The following CCSER1 variants were observed in gnomAD, a reference collection of about 807,000 sequenced individuals.
CCSER1 encodes coiled-coil serine rich protein 1.
In CCSER1, 41 loss-of-function variants were observed where a neutral mutation model predicts 82.0. The observed-to-expected ratio is 0.50, with a 90% CI of 0.39 to 0.65. CCSER1 has a LOEUF of 0.65. CCSER1 is among the 30% of genes least tolerant of loss of function. The pLI, the probability that CCSER1 is intolerant of heterozygous loss-of-function variation, is 0.00. For synonymous variants in CCSER1, 414 were observed against 383.9 expected (o/e 1.08, Z -0.92); for missense variants, 1,119 against 1,064.2 (o/e 1.05, Z -0.72).
chr4:91,280,525 AG>A (rs1742835796), intron 10 of CCSER1, among the ~76,000 whole-genome samples: 1 of 152,084 alleles, frequency 6.6e-6, no homozygotes, highest in Non-Finnish European at 1.5e-5. Context: ...GTGCTGAGAG[AG>A]GTGGATAGGA....
intron 4 of CCSER1, among the ~76,000 whole-genome samples, chr4:90,421,362 A>G (rs1222431673): frequency 1.3e-5 from 2 of 152,198 alleles, no homozygotes; most frequent in African/African-American, 4.8e-5. Flanking sequence ...CCCTTACATC[A>G]TAACGTGCTA....
chr4:90,712,707 C>T (rs931797639), intron 6 of CCSER1, among the ~76,000 whole-genome samples: 3 of 151,494 alleles, frequency 2.0e-5, no homozygotes, highest in African/African-American at 4.9e-5. Flanking sequence ...TTTTCTATCT[C>T]GGTGATCTGC....
intron 10 of CCSER1, among the ~76,000 whole-genome samples, chr4:91,323,239 G>C (rs183337166): frequency 3.2e-3 from 484 of 152,270 alleles, no homozygotes; most frequent in Non-Finnish European, 5.5e-3. Flanking sequence ...CAGATAAACA[G>C]ATGGTCTCTG....
intron 10 of CCSER1, among the ~76,000 whole-genome samples, chr4:91,451,806 T>A (rs1192066814): frequency 6.6e-6 from 1 of 151,924 alleles, no homozygotes; most frequent in Non-Finnish European, 1.5e-5. Context: ...AAAATAAAAC[T>A]TTAGTAGTAA....
intron 6 of CCSER1, among the ~76,000 whole-genome samples, chr4:90,688,379 G>A (rs1214400432): frequency 1.3e-5 from 2 of 152,050 alleles, no homozygotes; most frequent in African/African-American, 4.8e-5. Context: ...ACAAAACACT[G>A]TACACTAAAT....
intron 3 of CCSER1, among the ~76,000 whole-genome samples, chr4:90,393,416 C>G (rs1303104007): frequency 6.6e-6 from 1 of 152,132 alleles, no homozygotes; most frequent in Non-Finnish European, 1.5e-5. Context: ...TTGGCAGCAC[C>G]TGATCGTAAG....
chr4:90,880,494 G>A (rs776589661), intron 8 of CCSER1, among the ~76,000 whole-genome samples: 1 of 152,182 alleles, frequency 6.6e-6, no homozygotes, highest in African/African-American at 2.4e-5. Context: ...TATTGGAGGT[G>A]TAGGTAAAGC....
At chr4:91,510,507 T>A (rs1315226811) in intron 10 of CCSER1, among the ~76,000 whole-genome samples, 1 of 152,178 alleles carries the variant, frequency 6.6e-6, no homozygotes, top group Non-Finnish European at 1.5e-5. Context: ...TTTTTTGACT[T>A]TTTAATAATA....
At chr4:90,159,902 G>A (rs2153365176) in intron 1 of CCSER1, among the ~76,000 whole-genome samples, 1 of 152,222 alleles carries the variant, frequency 6.6e-6, no homozygotes, top group African/African-American at 2.4e-5. Flanking sequence ...ATATTTCATT[G>A]ATAAGTATAA....
At chr4:90,276,186 T>TTTTCTTTCTTTCTTTCTTTCTC (rs1727497582) in intron 1 of CCSER1, among the ~76,000 whole-genome samples, 1 of 113,214 alleles carries the variant, frequency 8.8e-6, no homozygotes, top group African/African-American at 3.3e-5. Context: ...TTGAACACTG[T>TTTTCTTTCTTTCTTTCTTTCTC]TTTCTTTCTT....
chr4:90,377,593 T>C (rs919532031), intron 3 of CCSER1, among the ~76,000 whole-genome samples: 1 of 152,120 alleles, frequency 6.6e-6, no homozygotes. Context: ...GTTGAAGAAA[T>C]AGTATCTAAG....
At chr4:90,839,885 T>C (rs1762348501) in intron 8 of CCSER1, among the ~76,000 whole-genome samples, 1 of 152,200 alleles carries the variant, frequency 6.6e-6, no homozygotes, top group Non-Finnish European at 1.5e-5. Context: ...GATTGATACA[T>C]GAATTGTATA....
chr4:90,824,308 G>A (rs553369593), intron 8 of CCSER1, among the ~76,000 whole-genome samples: 4 of 151,788 alleles, frequency 2.6e-5, no homozygotes, highest in Admixed American at 6.6e-5. Context: ...GCAAGTTCTC[G>A]GCTCATTTGT....
At chr4:90,229,961 A>T (rs147853138) in intron 1 of CCSER1, among the ~76,000 whole-genome samples, 3,441 of 152,306 alleles carry the variant, frequency 0.023, 51 homozygotes, top group South Asian at 0.054. Flanking sequence ...GAGCACCCAG[A>T]TTCATAAGGC....
At chr4:91,161,957 A>T (rs1241258953) in intron 10 of CCSER1, among the ~76,000 whole-genome samples, 1 of 152,168 alleles carries the variant, frequency 6.6e-6, no homozygotes, top group Non-Finnish European at 1.5e-5. Flanking sequence ...CCTGGCGAGA[A>T]CTTCCAACAC....
At chr4:90,767,560 G>A (rs1454330) in intron 7 of CCSER1, among the ~76,000 whole-genome samples, 89,974 of 152,042 alleles carry the variant, frequency 0.59, 26,817 homozygotes, top group African/African-American at 0.66. Context: ...ATCATTAACT[G>A]GATCTAAGAA....
chr4:90,748,038 C>T (rs1206246729), intron 7 of CCSER1, among the ~76,000 whole-genome samples: 1 of 141,408 alleles, frequency 7.1e-6, no homozygotes, highest in African/African-American at 2.6e-5. Flanking sequence ...ACATTTTCTT[C>T]TTTTTTTTTT....
intron 9 of CCSER1, among the ~76,000 whole-genome samples, chr4:90,932,956 AAGAAAGAAAGAAAGAAAGAAAGAAAG>A (rs1730146223): frequency 4.5e-5 from 2 of 44,120 alleles, no homozygotes; most frequent in East Asian, 4.6e-4. Flanking sequence ...GAAAGAAAGA[AAGAAAGAAAGAAAGAAAGAAAGAAAG>A]AGAAAGAAAG....
intron 5 of CCSER1, among the ~76,000 whole-genome samples, chr4:90,534,278 C>G (rs1312945463): frequency 6.6e-6 from 1 of 152,026 alleles, no homozygotes; most frequent in Non-Finnish European, 1.5e-5. Context: ...TACAGGCGCC[C>G]GCCACCACGC....
Sources: gnomAD v4.1 joint callset for allele counts (sites outside exome capture counted in the v4.1 genomes callset) on GRCh38, gnomAD v4.1.1 for gene constraint, MANE v1.5 for transcripts, NCBI Gene and HGNC (gene_info 2026-07-23, HGNC 2026-07-21) for gene names.